NSMAF: variants seen among roughly 807,000 people sequenced by gnomAD.
NSMAF encodes protein FAN.
Under a neutral mutation model 134.9 loss-of-function variants are expected in NSMAF, and 90 were observed. The observed-to-expected ratio is 0.67, with a 90% CI of 0.56 to 0.79. NSMAF has a LOEUF of 0.79. Among genes scored for constraint, NSMAF ranks in the 30% least tolerant of loss-of-function variants. The probability of loss-of-function intolerance (pLI) is 0.00; values close to 1 mark genes in which losing one functional copy is unlikely to be tolerated. For missense variants in NSMAF, 1,010 were observed against 1,119.0 expected (o/e 0.90, Z 1.39); for synonymous variants, 358 against 389.6 (o/e 0.92, Z 0.96).
chr8:58,656,021 TTTTG>T (rs1807700594), intron 1 of NSMAF, among the ~76,000 whole-genome samples: 2 of 151,142 alleles, frequency 1.3e-5, no homozygotes, highest in South Asian at 2.1e-4. Flanking sequence ...TAAATCTTTT[TTTTG>T]TTTGTTTGTT....
chr8:58,607,762 G>GACTC lies in NSMAF; in HGVS notation c.759+3_759+6dup. The GACTC allele has an allele frequency of 6.2e-7, 1 of 1,611,598 alleles. No homozygotes were observed. Among genetic ancestry groups the GACTC allele is most frequent in the Non-Finnish European group, 8.5e-7 (1 of 1,177,660 alleles). On this transcript the variant is annotated splice_region_variant and intron_variant, in intron 11 of 30. Coordinates refer to ENST00000038176, the MANE Select transcript of NSMAF (RefSeq NM_003580.4). The stretch of plus-strand genomic sequence containing the variant: ...TCATGCCCCAGCACAGCCTCCCAAG[G>GACTC]ACTCACCAGAGGCATGAGGCCGTGC...
At chr8:58,622,161 G>T (rs1346866420) in intron 9 of NSMAF, among the ~76,000 whole-genome samples, 1 of 152,150 alleles carries the variant, frequency 6.6e-6, no homozygotes, top group Non-Finnish European at 1.5e-5. Context: ...TGTAAGGAAG[G>T]AGTCTAGTTT....
At chr8:58,640,343 A>T (rs1469012574) in intron 2 of NSMAF, among the ~76,000 whole-genome samples, 1 of 152,206 alleles carries the variant, frequency 6.6e-6, no homozygotes. Flanking sequence ...ATATCTCAAT[A>T]AAGCTGGAAA....
chr8:58,597,879 C>T lies in NSMAF; in HGVS notation c.1609G>A (p.Gly537Arg). The stretch of plus-strand genomic sequence containing the variant: ...AAGTACCTGTTCAAGTCTACACCTC[C>T]TTCATAGGTCAGGGGATGAAATACT... ...HNVFHPLTYE[G>R]GVDLNSIQDP... is the part of the protein sequence containing the mutation. Residue 537 changes from glycine to arginine, a missense_variant, in exon 20 of 31, where the codon GGA becomes AGA. By Grantham distance (125) the Gly-to-Arg change is moderately radical (BLOSUM62 -2). Transcript: ENST00000038176. The T allele has an allele frequency of 2.5e-6, 4 of 1,606,732 alleles. No individual in the cohort carries two copies. Among genetic ancestry groups the T allele is most frequent in the Non-Finnish European group, 3.4e-6 (4 of 1,173,494 alleles).
Position 58,587,710 on chromosome 8 carries a change from G to C in NSMAF, c.2212-9C>G, listed in dbSNP as rs769154954. On this transcript the variant is annotated splice_polypyrimidine_tract_variant and intron_variant, in intron 26 of 30. Transcript: ENST00000038176. Reference sequence around the variant, plus strand: ...GGAACACCAGACCACACCTAGGATGGAACATATTGCAGAAGGTATTTTCAA... The same window carrying C: ...GGAACACCAGACCACACCTAGGATGCAACATATTGCAGAAGGTATTTTCAA... 6.2e-7 allele frequency: 1 copy of C among 1,611,078 alleles called. No individual in the cohort carries two copies. The highest frequency in any genetic ancestry group is 8.5e-7 in the Non-Finnish European group (1 of 1,178,060).
chr8:58,603,233 T>G lies in NSMAF; in HGVS notation c.1022A>C (p.His341Pro). The change falls in exon 13 of 31, where the codon CAT becomes CCT. Residue 341 changes from histidine (H) to proline (P), a missense_variant. His to Pro is a moderately conservative substitution (Grantham distance 77, BLOSUM62 -2). Transcript: ENST00000038176. ...ACCTAGTTCTGAGCTGGAATAATCA[T>G]GTATTATCCATGGAAACACAGGGTA... Reference protein sequence around the residue: ...SQYPVFPWIIHDYSSSELDLS... With the variant: ...SQYPVFPWIIPDYSSSELDLS... The G allele has an allele frequency of 6.2e-7, 1 of 1,614,204 alleles. No individual in the cohort carries two copies. The highest frequency in any genetic ancestry group is 8.5e-7 in the Non-Finnish European group (1 of 1,180,028).
intron 16 of NSMAF, 55 bp from the exon 17 acceptor site, chr8:58,600,076 C>T (rs1806244114): frequency 3.8e-6 from 5 of 1,301,876 alleles, no homozygotes; most frequent in Non-Finnish European, 5.5e-6. Flanking sequence ...GCAATAGCAG[C>T]ATTTCCTATG....
intron 2 of NSMAF, chr8:58,637,315 C>A (rs1807198499): frequency 2.2e-6 from 1 of 455,942 alleles, no homozygotes; most frequent in African/African-American, 2.0e-5. Flanking sequence ...TCCAAAGAAC[C>A]CCCATCCTTT....
chr8:58,655,420 G>A (rs556329717), intron 1 of NSMAF, among the ~76,000 whole-genome samples: 16 of 147,244 alleles, frequency 1.1e-4, no homozygotes, highest in South Asian at 4.3e-4. Flanking sequence ...TTTTCTTTGC[G>A]ATAGGGTCTC....
At chr8:58,643,575 C>T (rs985349946) in intron 1 of NSMAF, among the ~76,000 whole-genome samples, 5 of 151,332 alleles carry the variant, frequency 3.3e-5, no homozygotes, top group African/African-American at 9.7e-5. Flanking sequence ...TCTTGTTGCC[C>T]AGCCTGGAGT....
At chr8:58,594,629 A>G in intron 22 of NSMAF, 1 of 298,496 alleles carries the variant, frequency 3.4e-6, no homozygotes, top group Non-Finnish European at 6.3e-6. Flanking sequence ...ACTCTTCTTC[A>G]CAGTCACTTC....
intron 1 of NSMAF, among the ~76,000 whole-genome samples, chr8:58,658,675 C>T (rs187724893): frequency 6.6e-6 from 1 of 152,328 alleles, no homozygotes; most frequent in African/African-American, 2.4e-5. Flanking sequence ...CCCCCCTTTC[C>T]TTTTGGCATC....
chr8:58,626,423 C>T (rs1806932800), intron 6 of NSMAF, among the ~76,000 whole-genome samples: 1 of 152,164 alleles, frequency 6.6e-6, no homozygotes, highest in Admixed American at 6.5e-5. Flanking sequence ...TCTTTGCATT[C>T]TCATATCTTA....
chr8:58,590,021 T>A lies in NSMAF; in HGVS notation c.2073A>T (p.Ser691=). 1 of 1,613,760 alleles carries A rather than the reference T, an allele frequency of 6.2e-7. No homozygotes were observed. Among genetic ancestry groups the A allele is most frequent in the Non-Finnish European group, 8.5e-7 (1 of 1,179,668 alleles). Residue 691 remains serine, a synonymous_variant, in exon 25 of 31, where the codon TCA becomes TCT. Coordinates refer to ENST00000038176, the MANE Select transcript of NSMAF (RefSeq NM_003580.4). Reference sequence around the variant, plus strand: ...CAGATACATACACATTATTATCCCATGAAGAAGTTATGACAGTGGCATCTC... The same window carrying A: ...CAGATACATACACATTATTATCCCAAGAAGAAGTTATGACAGTGGCATCTC... ...LPGDATVITS[S]WDNNVYFYSI...
chr8:58,591,531 G>T (rs1230603257), intron 23 of NSMAF, among the ~76,000 whole-genome samples: 1 of 133,282 alleles, frequency 7.5e-6, no homozygotes, highest in Non-Finnish European at 1.5e-5. Context: ...CTGTTGCCCA[G>T]GCTGGAGTGC....
intron 9 of NSMAF, 78 bp from the exon 10 acceptor site, chr8:58,609,811 G>A: frequency 7.2e-7 from 1 of 1,380,892 alleles, no homozygotes; most frequent in South Asian, 1.2e-5. Flanking sequence ...GGGAGCTACA[G>A]TGTGACTTTC....
chr8:58,652,612 T>G (rs1401330146), intron 1 of NSMAF, among the ~76,000 whole-genome samples: 1 of 152,172 alleles, frequency 6.6e-6, no homozygotes, highest in South Asian at 2.1e-4. Flanking sequence ...AAGTCTGAAG[T>G]TGGCCCAGCC....
chr8:58,639,250 C>T (rs1217274941), intron 2 of NSMAF, among the ~76,000 whole-genome samples: 1 of 151,150 alleles, frequency 6.6e-6, no homozygotes, highest in Admixed American at 6.6e-5. Flanking sequence ...CGCCACTGCA[C>T]TTCAGCCTAG....
intron 1 of NSMAF, among the ~76,000 whole-genome samples, chr8:58,644,077 T>A (rs758721413): frequency 6.6e-6 from 1 of 152,202 alleles, no homozygotes; most frequent in African/African-American, 2.4e-5. Context: ...TGTTTTGTGA[T>A]AAGGACCAGG....
Sources: gnomAD v4.1 joint callset for allele counts (sites outside exome capture counted in the v4.1 genomes callset) on GRCh38, gnomAD v4.1.1 for gene constraint, MANE v1.5 for transcripts, NCBI Gene and HGNC (gene_info 2026-07-23, HGNC 2026-07-21) for gene names.